Variants in SMARCA2 observed in about 807,000 individuals in gnomAD.
SMARCA2 encodes SWI/SNF-related matrix-associated actin-dependent regulator of chromatin subfamily A member 2.
In SMARCA2, 61 loss-of-function variants were observed where a neutral mutation model predicts 199.8. The ratio of observed to expected loss-of-function variants is 0.31; its 90% CI spans 0.25 to 0.38. The LOEUF (loss-of-function observed/expected upper bound fraction) is 0.38. SMARCA2 is among the 10% of genes least tolerant of loss of function. The pLI is 1.00. For missense variants in SMARCA2, 1,344 were observed against 2,012.2 expected (o/e 0.67, Z 6.35); for synonymous variants, 935 against 732.0 (o/e 1.28, Z -4.48).
At chr9:2,032,148 A>G (rs1485471654) in intron 2 of SMARCA2, among the ~76,000 whole-genome samples, 1 of 152,222 alleles carries the variant, frequency 6.6e-6, no homozygotes. Context: ...TTTGGTTTCT[A>G]TAAACTCCTG....
At chr9:2,143,178 T>C (rs1347418271) in intron 27 of SMARCA2, among the ~76,000 whole-genome samples, 2 of 152,106 alleles carry the variant, frequency 1.3e-5, no homozygotes, top group East Asian at 1.9e-4. Context: ...GAGGATGCTT[T>C]GGGTAGGAAA....
chr9:2,148,537 A>G (rs7026391), intron 27 of SMARCA2, among the ~76,000 whole-genome samples: 19,591 of 151,258 alleles, frequency 0.13, 1,915 homozygotes, highest in East Asian at 0.33. Context: ...CATGTGCACA[A>G]TGTGCAGGTT....
chr9:2,111,681 A>G (rs1475155781), intron 24 of SMARCA2, among the ~76,000 whole-genome samples: 1 of 152,076 alleles, frequency 6.6e-6, no homozygotes, highest in Admixed American at 6.5e-5. Context: ...AATCACATTC[A>G]GGGGTACATT....
At position 2,123,533 on chromosome 9, in the gene SMARCA2, G is replaced by C. The variant is rs1171978209; in HGVS notation, c.3763-186G>C. On this transcript the variant is annotated intron_variant, in intron 26 of 33. Transcript: ENST00000349721. The surrounding 1 kb of genome is among the most constrained non-coding windows in gnomAD (Gnocchi z 4.1). ...AAAGGTGGGTACAGAAAAAGGGAGG[G>C]GATTTTACTTAATGGAATCTCTCCC... is the stretch of plus-strand genomic sequence containing the variant. Among the ~76,000 whole-genome samples the C allele has an allele frequency of 6.6e-6, 1 of 152,066 alleles. No individual in the cohort carries two copies.
At chr9:2,058,612 G>A in intron 8 of SMARCA2, 148 bp downstream of exon 8, 1 of 681,682 alleles carries the variant, frequency 1.5e-6, no homozygotes. Flanking sequence ...GGGAGATGAA[G>A]TAAAAACTTT....
At chr9:2,101,723 C>G (rs145393947) in intron 22 of SMARCA2, 107 bp downstream of exon 22, 3 of 582,194 alleles carry the variant, frequency 5.2e-6, no homozygotes, top group Admixed American at 3.4e-5. Flanking sequence ...TTCCAGCCCT[C>G]TAAGGGCTCT....
At chr9:2,175,088 CTG>C (rs1826485134) in intron 29 of SMARCA2, among the ~76,000 whole-genome samples, 1 of 151,960 alleles carries the variant, frequency 6.6e-6, no homozygotes, top group African/African-American at 2.4e-5. Context: ...GTGGGAAAAA[CTG>C]TAGAAATGGC....
chr9:2,026,617 C>G (rs1417186158), intron 1 of SMARCA2, among the ~76,000 whole-genome samples: 1 of 152,164 alleles, frequency 6.6e-6, no homozygotes, highest in African/African-American at 2.4e-5. Context: ...GTGTTTGTAT[C>G]TTCATTGTTC....
chr9:2,101,565 T>A lies in SMARCA2; in HGVS notation c.3079-5T>A. On this transcript the variant is annotated splice_region_variant and splice_polypyrimidine_tract_variant and intron_variant, in intron 21 of 33. Coordinates refer to ENST00000349721, the MANE Select transcript of SMARCA2 (RefSeq NM_003070.5). ...AATCATTCTTTCTATCTCTCTCTTT[T>A]AAAGGAATCCTTTGCTGAACACCTA... The A allele has an allele frequency of 6.7e-7, 1 of 1,484,112 alleles. No homozygotes were observed. The highest frequency in any genetic ancestry group is 9.3e-7 in the Non-Finnish European group (1 of 1,080,564). The allele number at this position is 1,484,112 out of a possible 1,614,324, so 91.9% of individuals were successfully genotyped here.
chr9:2,022,799 A>G (rs551043795), intron 1 of SMARCA2, among the ~76,000 whole-genome samples: 52 of 152,214 alleles, frequency 3.4e-4, no homozygotes, highest in African/African-American at 6.0e-4. Flanking sequence ...ATGTGTAAAT[A>G]TACGTGACAT....
At chr9:2,126,886 T>A (rs1008156910) in intron 27 of SMARCA2, among the ~76,000 whole-genome samples, 25 of 152,228 alleles carry the variant, frequency 1.6e-4, no homozygotes, top group Admixed American at 1.6e-3. Flanking sequence ...TTAATAGTTC[T>A]TCCTCCCTTT....
chr9:2,021,382 G>A (rs780139730), intron 1 of SMARCA2, among the ~76,000 whole-genome samples: 1 of 152,122 alleles, frequency 6.6e-6, no homozygotes, highest in Non-Finnish European at 1.5e-5. Flanking sequence ...AAAAAGGAAC[G>A]TCATATGTTG....
At chr9:2,019,496 CAA>C (rs57704949) in intron 1 of SMARCA2, among the ~76,000 whole-genome samples, 14,367 of 81,694 alleles carry the variant, frequency 0.18, 638 homozygotes, top group East Asian at 0.28. Context: ...TTAGAATTGA[CAA>C]AAAAAAAAAA....
Position 2,096,756 on chromosome 9 carries a change from G to C in SMARCA2, c.2983G>C (p.Asp995His). Residue 995 changes from aspartate (D) to histidine (H), a missense_variant, in exon 20 of 34, where the codon GAT becomes CAT. By Grantham distance (81) the Asp-to-His change is moderately conservative. Transcript: ENST00000349721. The stretch of plus-strand genomic sequence containing the variant: ...CCTTCTCACAGATGGTTCTGAGAAA[G>C]ATAAGAAGGTACGTTGCGAAAGATG... ...GILLTDGSEKDKKGKGGAKTL... is the reference protein window; with the variant it reads ...GILLTDGSEKHKKGKGGAKTL... 6.2e-7 allele frequency: 1 copy of C among 1,604,686 alleles called. No homozygotes were observed. The highest frequency in any genetic ancestry group is 8.5e-7 in the Non-Finnish European group (1 of 1,171,342).
At chr9:2,176,241 T>A (rs1356224488) in intron 29 of SMARCA2, among the ~76,000 whole-genome samples, 4 of 149,140 alleles carry the variant, frequency 2.7e-5, no homozygotes, top group African/African-American at 9.9e-5. Flanking sequence ...TTAAAATACA[T>A]AATTTTAGAC....
At chr9:2,041,613 A>T in intron 4 of SMARCA2, 1 of 389,234 alleles carries the variant, frequency 2.6e-6, no homozygotes, top group Non-Finnish European at 4.5e-6. Context: ...CTTTCAGACC[A>T]TGGCAGTGGG....
chr9:2,033,616 G>A (rs1236444508), intron 3 of SMARCA2, among the ~76,000 whole-genome samples: 1 of 152,228 alleles, frequency 6.6e-6, no homozygotes, highest in Non-Finnish European at 1.5e-5. Context: ...GGGTGGCTGG[G>A]CCTGCCATAG....
intron 27 of SMARCA2, among the ~76,000 whole-genome samples, chr9:2,157,002 T>G (rs1392472100): frequency 2.6e-5 from 4 of 152,226 alleles, no homozygotes; most frequent in African/African-American, 9.6e-5. Context: ...TCTAACAGGT[T>G]GCTTGTGGAG....
At chr9:2,038,668 C>T (rs565933600) in intron 3 of SMARCA2, among the ~76,000 whole-genome samples, 21 of 152,200 alleles carry the variant, frequency 1.4e-4, no homozygotes, top group African/African-American at 4.6e-4. Flanking sequence ...GAAAATACCC[C>T]CCCTTTACTG....
Sources: gnomAD v4.1 joint callset for allele counts (sites outside exome capture counted in the v4.1 genomes callset) on GRCh38, gnomAD v4.1.1 for gene constraint, Gnocchi (gnomAD v3.1) non-coding constraint, MANE v1.5 for transcripts, NCBI Gene and HGNC (gene_info 2026-07-23, HGNC 2026-07-21) for gene names.